The following STK10 variants were observed in gnomAD, a reference collection of about 807,000 sequenced individuals.
STK10 encodes the protein serine/threonine kinase 10.
STK10 carries 78 observed loss-of-function variants against 113.8 expected under a neutral mutation model. The ratio of observed to expected loss-of-function variants is 0.69; its 90% CI spans 0.57 to 0.83. STK10 has a LOEUF of 0.83. STK10 is among the 40% of genes least tolerant of loss of function. The probability of loss-of-function intolerance (pLI) is 0.00; values close to 1 mark genes in which losing one functional copy is unlikely to be tolerated. For missense variants in STK10, 1,109 were observed against 1,280.1 expected (o/e 0.87, Z 2.04); for synonymous variants, 465 against 494.7 (o/e 0.94, Z 0.80).
intron 9 of STK10, among the ~76,000 whole-genome samples, chr5:172,091,928 G>C (rs1426005159): frequency 6.6e-6 from 1 of 152,206 alleles, no homozygotes; most frequent in African/African-American, 2.4e-5. Flanking sequence ...CAGGTCTCTT[G>C]ACCCCTTGAA....
chr5:172,173,397 C>T (rs1324749232), intron 1 of STK10, among the ~76,000 whole-genome samples: 2 of 152,280 alleles, frequency 1.3e-5, no homozygotes, highest in South Asian at 2.1e-4. Flanking sequence ...CCTCATAGGG[C>T]CAAGCGTTGG....
At chr5:172,149,950 G>C (rs1010410674) in intron 2 of STK10, among the ~76,000 whole-genome samples, 6 of 151,380 alleles carry the variant, frequency 4.0e-5, no homozygotes, top group Non-Finnish European at 7.4e-5. Flanking sequence ...GGGAGGCTGA[G>C]GCAGGAGAAT....
At chr5:172,074,702 T>G (rs946029710) in intron 12 of STK10, among the ~76,000 whole-genome samples, 1 of 152,010 alleles carries the variant, frequency 6.6e-6, no homozygotes, top group South Asian at 2.1e-4. Flanking sequence ...TAAAACAGAC[T>G]TCATCAAAAA....
intron 4 of STK10, among the ~76,000 whole-genome samples, chr5:172,115,508 T>A (rs1260037240): frequency 6.6e-6 from 1 of 152,106 alleles, no homozygotes; most frequent in African/African-American, 2.4e-5. Flanking sequence ...AGGTTTCAAC[T>A]AACTTTAAGG....
intron 1 of STK10, among the ~76,000 whole-genome samples, chr5:172,185,156 C>T (rs151261717): frequency 3.1e-4 from 47 of 151,936 alleles, no homozygotes; most frequent in East Asian, 1.9e-4. Flanking sequence ...CAAAGTTCTG[C>T]GTTTAAGTTT....
At chr5:172,068,250 G>C (rs1310600959) in intron 12 of STK10, among the ~76,000 whole-genome samples, 1 of 151,926 alleles carries the variant, frequency 6.6e-6, no homozygotes, top group African/African-American at 2.4e-5. Flanking sequence ...CTGAAGCAGA[G>C]AACTGCTTGA....
At chr5:172,081,311 A>T (rs1279105094) in intron 12 of STK10, among the ~76,000 whole-genome samples, 1 of 147,368 alleles carries the variant, frequency 6.8e-6, no homozygotes, top group Non-Finnish European at 1.5e-5. Flanking sequence ...AGATTGTGCC[A>T]CTGCACTCCA....
chr5:172,082,595 T>A lies in STK10; in HGVS notation c.1810-90A>T. 6.9e-7 allele frequency: 1 copy of A among 1,456,202 alleles called. No homozygotes were observed. Among genetic ancestry groups the A allele is most frequent in the Non-Finnish European group, 9.2e-7 (1 of 1,088,644 alleles). 90.2% of individuals were successfully genotyped at this position (1,456,202 alleles called of 1,614,324 possible). The stretch of plus-strand genomic sequence containing the variant: ...AGTGGAATGGGGAGAACTCAGAGCT[T>A]GTGATCAGACCTAAGCTTGAATCCC... On this transcript the variant is annotated intron_variant, in intron 11 of 18. Transcript: ENST00000176763. The surrounding 1 kb of genome is among the most constrained non-coding windows in gnomAD (Gnocchi z 4.3).
chr5:172,150,596 G>A (rs976630297), intron 2 of STK10, among the ~76,000 whole-genome samples: 62 of 152,112 alleles, frequency 4.1e-4, no homozygotes, highest in African/African-American at 1.4e-3. Flanking sequence ...CTACTTCCGG[G>A]TGTCACATTC....
intron 17 of STK10, chr5:172,053,325 C>T (rs139458866): frequency 8.1e-5 from 28 of 345,558 alleles, no homozygotes; most frequent in East Asian, 1.3e-4. Context: ...GGCAGCTGTC[C>T]GCAAGCCAGG....
chr5:172,141,488 G>C (rs1769971133), intron 2 of STK10, among the ~76,000 whole-genome samples: 1 of 152,026 alleles, frequency 6.6e-6, no homozygotes, highest in East Asian at 1.9e-4. Context: ...GGCTGACGTG[G>C]GAGGATGGCT....
intron 12 of STK10, among the ~76,000 whole-genome samples, chr5:172,074,621 A>G (rs1336501372): frequency 6.6e-6 from 1 of 152,222 alleles, no homozygotes; most frequent in African/African-American, 2.4e-5. Context: ...CTTCTAAAGC[A>G]TGTGATGTTG....
intron 1 of STK10, among the ~76,000 whole-genome samples, chr5:172,172,993 A>C (rs3776750): frequency 0.29 from 43,536 of 151,778 alleles, 6,487 homozygotes; most frequent in African/African-American, 0.36. Flanking sequence ...AAAGAAAAAA[A>C]AAAGCCTCTG....
chr5:172,167,163 AAAAAAAAAG>A (rs1184544050), intron 1 of STK10, among the ~76,000 whole-genome samples: 2 of 151,738 alleles, frequency 1.3e-5, no homozygotes, highest in Non-Finnish European at 1.5e-5. Context: ...TGTCTCAAAA[AAAAAAAAAG>A]AAAAAAAAGA....
chr5:172,123,882 T>C (rs1769566846), intron 3 of STK10, among the ~76,000 whole-genome samples: 1 of 152,012 alleles, frequency 6.6e-6, no homozygotes, highest in Non-Finnish European at 1.5e-5. Context: ...CAGAGGACAG[T>C]GGGGCCAAGA....
Position 172,082,601 on chromosome 5 carries a change from C to A in STK10, c.1810-96G>T. On this transcript the variant is annotated intron_variant, in intron 11 of 18. Coordinates refer to ENST00000176763, the MANE Select transcript of STK10 (RefSeq NM_005990.4). This position sits in a 1 kb window ranked among gnomAD's most constrained non-coding sequence, Gnocchi z 4.3. ...ATGGGGAGAACTCAGAGCTTGTGAT[C>A]AGACCTAAGCTTGAATCCCAGCTCT... The A allele has an allele frequency of 7.0e-7, 1 of 1,427,906 alleles. No homozygotes were observed. The highest frequency in any genetic ancestry group is 2.5e-5 in the Admixed American group (1 of 39,334). 88.5% of individuals were successfully genotyped at this position (1,427,906 alleles called of 1,614,324 possible).
At chr5:172,102,458 G>T (rs753943929) in intron 7 of STK10, among the ~76,000 whole-genome samples, 1 of 152,196 alleles carries the variant, frequency 6.6e-6, no homozygotes, top group Non-Finnish European at 1.5e-5. Flanking sequence ...ACAGCTGGAC[G>T]CGGGCCGAGG....
rs750982778 is a variant in STK10 at position 172,082,937 on chromosome 5, G to C, written c.1809+24C>G. 2 of 1,610,920 alleles carry C rather than the reference G, an allele frequency of 1.2e-6. No individual in the cohort carries two copies. The highest frequency in any genetic ancestry group is 8.5e-7 in the Non-Finnish European group (1 of 1,179,148). On this transcript the variant is annotated intron_variant, in intron 11 of 18. Transcript: ENST00000176763. The surrounding 1 kb of genome is among the most constrained non-coding windows in gnomAD (Gnocchi z 4.3). ...CACCTGGAGGCAAGAAGCCCTGCAG[G>C]GTCCCATCTTTTCTCGCACTCACGT...
chr5:172,082,414 C>T lies in STK10; in HGVS notation c.1901G>A (p.Arg634His), dbSNP rs115974403. 41 of 1,611,660 alleles carry T rather than the reference C, an allele frequency of 2.5e-5. No individual in the cohort carries two copies. The highest frequency in any genetic ancestry group is 1.1e-4 in the East Asian group (5 of 44,596). ...VEKMEQDHAV[R>H]RREEARRIRL... ...GATCCGCCTGGCCTCCTCCCGGCGG[C>T]GCACGGCATGGTCTTGCTCCATCTT... Residue 634 changes from arginine (R) to histidine (H), a missense_variant, in exon 12 of 19, where the codon CGC becomes CAC. This residue lies in a region of STK10 where 885 missense variants were observed against 991.1 expected (regional missense o/e 0.89). Transcript: ENST00000176763. The surrounding 1 kb of genome is among the most constrained non-coding windows in gnomAD (Gnocchi z 4.3).
Sources: gnomAD v4.1 joint callset for allele counts (sites outside exome capture counted in the v4.1 genomes callset) on GRCh38, gnomAD v4.1.1 for gene constraint, gnomAD v4.1.1 regional missense constraint, Gnocchi (gnomAD v3.1) non-coding constraint, MANE v1.5 for transcripts, NCBI Gene and HGNC (gene_info 2026-07-23, HGNC 2026-07-21) for gene names.